The following UBE2E2 variants were observed in gnomAD, a reference collection of about 807,000 sequenced individuals.
UBE2E2 encodes the protein ubiquitin conjugating enzyme E2 E2.
In UBE2E2, 6 loss-of-function variants were observed where a neutral mutation model predicts 24.7. The observed-to-expected ratio is 0.24, with a 90% CI of 0.13 to 0.48. The LOEUF (loss-of-function observed/expected upper bound fraction) is 0.48. Among genes scored for constraint, UBE2E2 ranks in the 20% least tolerant of loss-of-function variants. The pLI is 0.99. For missense variants in UBE2E2, 169 were observed against 245.0 expected (o/e 0.69, Z 2.07); for synonymous variants, 104 against 83.6 (o/e 1.24, Z -1.33).
chr3:23,465,364 A>G (rs1409793623), intron 3 of UBE2E2, among the ~76,000 whole-genome samples: 1 of 152,224 alleles, frequency 6.6e-6, no homozygotes, highest in Non-Finnish European at 1.5e-5. Flanking sequence ...AATATAGCTT[A>G]TCCCATATTA....
At chr3:23,255,168 TCTC>T (rs1169049135) in intron 3 of UBE2E2, among the ~76,000 whole-genome samples, 1 of 141,636 alleles carries the variant, frequency 7.1e-6, no homozygotes, top group Non-Finnish European at 1.5e-5. Context: ...CTCACTATAA[TCTC>T]CTCCCATGCT....
intron 3 of UBE2E2, among the ~76,000 whole-genome samples, chr3:23,404,387 A>G (rs1017625296): frequency 3.9e-5 from 6 of 152,158 alleles, no homozygotes; most frequent in African/African-American, 9.7e-5. Flanking sequence ...AAGTCAATGG[A>G]GTGTTTCTGT....
At chr3:23,397,819 A>G (rs1697115059) in intron 3 of UBE2E2, among the ~76,000 whole-genome samples, 1 of 152,154 alleles carries the variant, frequency 6.6e-6, no homozygotes, top group African/African-American at 2.4e-5. Context: ...AGACTCCAGG[A>G]GATGCCTGTT....
chr3:23,390,843 T>A (rs1696917336), intron 3 of UBE2E2, among the ~76,000 whole-genome samples: 1 of 152,228 alleles, frequency 6.6e-6, no homozygotes, highest in African/African-American at 2.4e-5. Flanking sequence ...TTGTTGTATA[T>A]GAACATGACA....
rs1489601744 is a variant in UBE2E2, at chr3:23,431,099, TTATC to T, written c.228-68505_228-68502del. On this transcript the variant is annotated intron_variant, in intron 3 of 5. Transcript: ENST00000396703. ...GGGACAAGTGGTCTGTTGGGAGAATTTATCTATTTGGTATCTTCACTGGGAACTG... is the reference window on the plus strand; with the variant it reads ...GGGACAAGTGGTCTGTTGGGAGAATTTATTTGGTATCTTCACTGGGAACTG... Among the ~76,000 whole-genome samples, 6 of 152,272 alleles carry T rather than the reference TTATC, an allele frequency of 3.9e-5. No homozygotes were observed. The East Asian group carries it at 1.2e-3, about 29-fold the overall frequency.
chr3:23,486,669 T>G (rs563258886), intron 3 of UBE2E2, among the ~76,000 whole-genome samples: 1 of 152,240 alleles, frequency 6.6e-6, no homozygotes, highest in African/African-American at 2.4e-5. Context: ...AGAAGCTTTA[T>G]TGAGTGACAG....
intron 5 of UBE2E2, among the ~76,000 whole-genome samples, chr3:23,581,875 T>G (rs1344876319): frequency 6.6e-6 from 1 of 152,240 alleles, no homozygotes; most frequent in East Asian, 1.9e-4. Context: ...CAGGATTCAC[T>G]TTCCTCTTAC....
At chr3:23,277,730 A>G (rs968937851) in intron 3 of UBE2E2, among the ~76,000 whole-genome samples, 2 of 152,082 alleles carry the variant, frequency 1.3e-5, no homozygotes, top group African/African-American at 2.4e-5. Context: ...AATGCTTACT[A>G]TGTGAAGGCT....
intron 3 of UBE2E2, among the ~76,000 whole-genome samples, chr3:23,362,336 G>A (rs1302405863): frequency 6.6e-6 from 1 of 152,196 alleles, no homozygotes; most frequent in Non-Finnish European, 1.5e-5. Flanking sequence ...CTTATAGGCT[G>A]AAGCAGAGAG....
At chr3:23,258,108 G>A (rs1366780101) in intron 3 of UBE2E2, among the ~76,000 whole-genome samples, 1 of 152,176 alleles carries the variant, frequency 6.6e-6, no homozygotes, top group East Asian at 1.9e-4. Flanking sequence ...GAATGGGATT[G>A]GAATGCTAGC....
intron 3 of UBE2E2, among the ~76,000 whole-genome samples, chr3:23,305,295 G>A (rs999287147): frequency 6.6e-6 from 1 of 152,228 alleles, no homozygotes; most frequent in Non-Finnish European, 1.5e-5. Context: ...GTATACAAAT[G>A]CTTTCCTTCG....
chr3:23,365,402 AAAC>A (rs1374978422), intron 3 of UBE2E2, among the ~76,000 whole-genome samples: 1 of 152,214 alleles, frequency 6.6e-6, no homozygotes, highest in Non-Finnish European at 1.5e-5. Context: ...TAGATCTGAT[AAAC>A]AACTTCAGTA....
rs117741362 is a variant in UBE2E2 at position 23,275,303 on chromosome 3, A to C, written c.227+57991A>C. Among the ~76,000 whole-genome samples the C allele has an allele frequency of 6.4e-4, 97 of 152,350 alleles. 2 individuals are homozygous for C. In the East Asian group the frequency reaches 0.016, roughly 25 times the overall value. On this transcript the variant is annotated intron_variant, in intron 3 of 5. Coordinates refer to ENST00000396703, the MANE Select transcript of UBE2E2 (RefSeq NM_152653.4). The stretch of plus-strand genomic sequence containing the variant: ...GCCTAGGTGGAGTAGCCAAGGTAAA[A>C]GGACGTGTTTTAGGCAGAGGCGGCA...
intron 2 of UBE2E2, among the ~76,000 whole-genome samples, chr3:23,213,773 T>C (rs1186518760): frequency 1.3e-5 from 2 of 152,184 alleles, no homozygotes; most frequent in Non-Finnish European, 2.9e-5. Flanking sequence ...CCTTGCCTTT[T>C]AAATGGGGAC....
At chr3:23,382,759 A>C (rs1003078672) in intron 3 of UBE2E2, among the ~76,000 whole-genome samples, 7 of 152,234 alleles carry the variant, frequency 4.6e-5, no homozygotes, top group African/African-American at 1.7e-4. Context: ...AATACAAGGA[A>C]ATATTACTCC....
chr3:23,407,244 T>C lies in UBE2E2; in HGVS notation c.228-92364T>C, dbSNP rs1028408604. Among the ~76,000 whole-genome samples the C allele has an allele frequency of 7.8e-5, 11 of 141,466 alleles. No individual in the cohort carries two copies. Among genetic ancestry groups the C allele is most frequent in the African/African-American group, 2.0e-4 (8 of 39,760 alleles). 92.8% of individuals were successfully genotyped at this position (141,466 alleles called of 152,430 possible). On this transcript the variant is annotated intron_variant, in intron 3 of 5. Transcript: ENST00000396703. The surrounding 1 kb of genome is among the most constrained non-coding windows in gnomAD (Gnocchi z 4.0). ...GAGCATCAAGCTTTACACATTTTTT[T>C]CCCCATTTTTTTTCTGGAAAGAATA...
intron 3 of UBE2E2, among the ~76,000 whole-genome samples, chr3:23,497,200 C>T (rs1699619534): frequency 6.6e-6 from 1 of 152,180 alleles, no homozygotes; most frequent in African/African-American, 2.4e-5. Context: ...CTTGTAATGG[C>T]ATGACTTTTC....
intron 5 of UBE2E2, among the ~76,000 whole-genome samples, chr3:23,540,148 C>T (rs898336140): frequency 6.6e-6 from 1 of 152,020 alleles, no homozygotes; most frequent in Non-Finnish European, 1.5e-5. Context: ...TCTGCAGCTT[C>T]GAACTCCTGC....
chr3:23,419,884 C>T (rs61264520), intron 3 of UBE2E2, among the ~76,000 whole-genome samples: 19,891 of 152,124 alleles, frequency 0.13, 1,394 homozygotes, highest in Middle Eastern at 0.21. Context: ...CTCTCTTGCT[C>T]AGGTCTGCAG....
Sources: gnomAD v4.1 joint callset for allele counts (sites outside exome capture counted in the v4.1 genomes callset) on GRCh38, gnomAD v4.1.1 for gene constraint, Gnocchi (gnomAD v3.1) non-coding constraint, MANE v1.5 for transcripts, NCBI Gene and HGNC (gene_info 2026-07-23, HGNC 2026-07-21) for gene names.